CDKL1: variants seen among roughly 807,000 people sequenced by gnomAD.
The protein encoded by CDKL1 is cyclin-dependent kinase-like 1.
In CDKL1, 41 loss-of-function variants were observed where a neutral mutation model predicts 42.0. The ratio of observed to expected loss-of-function variants is 0.98; its 90% CI spans 0.76 to 1.27. The LOEUF (loss-of-function observed/expected upper bound fraction) is 1.27, where lower values mean the gene tolerates loss of function less well. Among genes scored for constraint, CDKL1 ranks in the 50% most tolerant of loss-of-function variants. The pLI is 0.00. For synonymous variants in CDKL1, 153 were observed against 158.6 expected (o/e 0.96, Z 0.26); for missense variants, 394 against 428.4 (o/e 0.92, Z 0.71).
intron 2 of CDKL1, among the ~76,000 whole-genome samples, chr14:50,388,726 A>G (rs1430123328): frequency 6.6e-6 from 1 of 152,202 alleles, no homozygotes; most frequent in Non-Finnish European, 1.5e-5. Flanking sequence ...GACATAAATC[A>G]TAGCGATAAG....
intron 2 of CDKL1, among the ~76,000 whole-genome samples, chr14:50,382,934 T>G (rs999529319): frequency 3.1e-4 from 47 of 150,558 alleles, no homozygotes; most frequent in Non-Finnish European, 5.6e-4. Flanking sequence ...TTTTTTGTTT[T>G]TTTTTTTTTT....
At chr14:50,382,794 T>G (rs1337147408) in intron 2 of CDKL1, among the ~76,000 whole-genome samples, 1 of 152,168 alleles carries the variant, frequency 6.6e-6, no homozygotes, top group South Asian at 2.1e-4. Flanking sequence ...AAGTTTCACT[T>G]GTTGCCCAGG....
In CDKL1 at chr14:50,326,634, T is replaced by C. The variant is rs2032715622; in HGVS notation, c.*3440A>G. On this transcript the variant is annotated 3_prime_UTR_variant, in exon 10 of 10. Coordinates refer to ENST00000395834, the MANE Select transcript of CDKL1 (RefSeq NM_004196.7). ...TATTTTGTAAGCTTAGGCTACTATT[T>C]TATTAAAACTGGACATAGATACTTG... is the stretch of plus-strand genomic sequence containing the variant. The C allele has an allele frequency of 1.0e-6, 1 of 985,334 alleles. No individual in the cohort carries two copies. Among genetic ancestry groups the C allele is most frequent in the Admixed American group, 6.1e-5 (1 of 16,270 alleles). 61.0% of individuals were successfully genotyped at this position (985,334 alleles called of 1,614,324 possible).
intron 2 of CDKL1, among the ~76,000 whole-genome samples, chr14:50,374,769 C>T (rs576475413): frequency 1.3e-5 from 2 of 152,268 alleles, no homozygotes; most frequent in South Asian, 4.1e-4. Context: ...CTGAAAGGGC[C>T]TAGAACCAAC....
intron 2 of CDKL1, chr14:50,362,354 C>G (rs1046370513): frequency 3.3e-6 from 1 of 304,088 alleles, no homozygotes; most frequent in South Asian, 2.5e-5. Flanking sequence ...GCCAGCTGGG[C>G]TCCTGAGTCT....
At chr14:50,378,453 T>C in intron 2 of CDKL1, 4 of 1,365,180 alleles carry the variant, frequency 2.9e-6, no homozygotes, top group Non-Finnish European at 3.9e-6. Context: ...GGAAATTCAT[T>C]AATATGAGAG....
intron 3 of CDKL1, among the ~76,000 whole-genome samples, chr14:50,346,512 A>G (rs1436882800): frequency 1.3e-5 from 2 of 151,764 alleles, no homozygotes; most frequent in African/African-American, 4.8e-5. Context: ...CCCAGGCTGG[A>G]GGCAGTGGTG....
chr14:50,375,813 G>A (rs769763987), intron 2 of CDKL1, among the ~76,000 whole-genome samples: 6 of 151,922 alleles, frequency 3.9e-5, no homozygotes, highest in African/African-American at 1.5e-4. Flanking sequence ...AAAAAATAGC[G>A]GTAAGTCATG....
intron 2 of CDKL1, among the ~76,000 whole-genome samples, chr14:50,369,167 G>A (rs766121843): frequency 5.3e-5 from 8 of 151,940 alleles, no homozygotes; most frequent in Admixed American, 1.3e-4. Context: ...ACGCCCGGCC[G>A]CTACCCTTAA....
At position 50,347,971 on chromosome 14, in the gene CDKL1, T is replaced by C. The variant is rs2033782319; in HGVS notation, c.291-2913A>G. 2.0e-5 allele frequency among the ~76,000 whole-genome samples: 3 copies of C among 152,120 alleles called. No homozygotes were observed. In the South Asian group the frequency reaches 6.2e-4, roughly 32 times the overall value. ...GAAAGTGTGTCAAAGGACTTCTGAA[T>C]TAAGATGATGGATTAAGCAAGCCCA... On this transcript the variant is annotated intron_variant, in intron 3 of 9. Coordinates refer to ENST00000395834, the MANE Select transcript of CDKL1 (RefSeq NM_004196.7).
intron 3 of CDKL1, among the ~76,000 whole-genome samples, chr14:50,358,388 C>T (rs756226526): frequency 1.1e-4 from 16 of 152,140 alleles, no homozygotes; most frequent in Non-Finnish European, 2.2e-4. Flanking sequence ...TCCTTTCAAT[C>T]TCCAAGCCCT....
At chr14:50,339,121 A>G (rs2033415212) in intron 6 of CDKL1, 92 bp from the exon 7 acceptor site, 4 of 882,072 alleles carry the variant, frequency 4.5e-6, no homozygotes, top group Non-Finnish European at 5.7e-6. Flanking sequence ...GTCTGTGCCC[A>G]TATGCATGGA....
At chr14:50,375,624 C>T (rs2034706892) in intron 2 of CDKL1, among the ~76,000 whole-genome samples, 1 of 152,126 alleles carries the variant, frequency 6.6e-6, no homozygotes, top group South Asian at 2.1e-4. Context: ...TGGTGAAACC[C>T]CGTCTCTACT....
At chr14:50,395,040 C>T (rs892126561) in intron 2 of CDKL1, among the ~76,000 whole-genome samples, 7 of 152,028 alleles carry the variant, frequency 4.6e-5, no homozygotes, top group Non-Finnish European at 8.8e-5. Context: ...TTTTTAGAAA[C>T]GGGACATGAT....
intron 2 of CDKL1, among the ~76,000 whole-genome samples, chr14:50,384,528 T>C (rs752020262): frequency 1.3e-5 from 2 of 151,600 alleles, no homozygotes; most frequent in Non-Finnish European, 2.9e-5. Context: ...ACACAGGAGT[T>C]AGATGGAAGG....
rs749330455 is a variant in CDKL1, at chr14:50,336,160, G to A, written c.739-1539C>T. 1.2e-5 allele frequency: 17 copies of A among 1,364,054 alleles called. No homozygotes were observed. The East Asian group carries it at 5.0e-4, about 40-fold the overall frequency. The allele number at this position is 1,364,054 out of a possible 1,614,324, so 84.5% of individuals were successfully genotyped here. On this transcript the variant is annotated intron_variant, in intron 7 of 9. Coordinates refer to ENST00000395834, the MANE Select transcript of CDKL1 (RefSeq NM_004196.7). ...GATACGCTGGAGCCCATCTGTGAGC[G>A]TTTCACAGCCCCAGAAGCAAGCAGG... is the stretch of plus-strand genomic sequence containing the variant.
intron 3 of CDKL1, among the ~76,000 whole-genome samples, chr14:50,346,938 CA>C (rs1179881265): frequency 1.3e-5 from 2 of 152,142 alleles, no homozygotes. Context: ...TGTGAACCAC[CA>C]TGCCCGGCCT....
At chr14:50,363,329 A>G (rs1203734804) in intron 2 of CDKL1, 3 of 170,358 alleles carry the variant, frequency 1.8e-5, no homozygotes, top group Non-Finnish European at 3.8e-5. Context: ...AAAATGCCAC[A>G]TTTGTTATCA....
chr14:50,393,855 G>A (rs1232725965), intron 2 of CDKL1, among the ~76,000 whole-genome samples: 2 of 152,164 alleles, frequency 1.3e-5, no homozygotes, highest in African/African-American at 2.4e-5. Flanking sequence ...TCAATATTCA[G>A]ATAAGAGAAC....
Sources: allele counts gnomAD v4.1 joint callset (sites outside exome capture counted in the v4.1 genomes callset), GRCh38; gene constraint gnomAD v4.1.1; transcripts MANE v1.5; gene names NCBI Gene and HGNC (gene_info 2026-07-23, HGNC 2026-07-21).